The following FBLN2 variants were observed in gnomAD, a reference collection of about 807,000 sequenced individuals.
FBLN2 encodes fibulin-2.
In FBLN2, 81 loss-of-function variants were observed where a neutral mutation model predicts 123.7. That is an observed-to-expected ratio of 0.65 (90% CI 0.55 to 0.79). The LOEUF is 0.79. Ranked by LOEUF, FBLN2 falls within the 30% of genes least tolerant of loss-of-function variation. FBLN2 has a pLI of 0.00. For missense variants in FBLN2, 1,603 were observed against 1,681.3 expected, an observed-to-expected ratio of 0.95 and a Z score of 0.81; for synonymous variants, 699 against 701.4, an observed-to-expected ratio of 1.00 and a Z score of 0.05.
At position 13,570,821 on chromosome 3, in the gene FBLN2, CCCTGCCGGG is replaced by C; in HGVS notation, c.473_481del (p.Arg158_Cys160del). 1 of 1,600,470 alleles carries C rather than the reference CCCTGCCGGG, an allele frequency of 6.2e-7. No individual in the cohort carries two copies. ...CGCTGGCCACACTGTTCACCTGCCG[CCCTGCCGGG>C]CCTGCCACTGCCCTGACGCCGGTGG... On this transcript the variant is annotated inframe_deletion, in exon 2 of 18. Coordinates refer to ENST00000404922, the MANE Select transcript of FBLN2 (RefSeq NM_001004019.2).
chr3:13,564,803 G>C lies in FBLN2; in HGVS notation c.-41-5512G>C, dbSNP rs965957475. Among the ~76,000 whole-genome samples the C allele has an allele frequency of 3.3e-5, 5 of 152,248 alleles. No homozygotes were observed. In the South Asian group the frequency reaches 1.0e-3, roughly 31 times the overall value. On this transcript the variant is annotated intron_variant, in intron 1 of 17. Transcript: ENST00000404922. ...TCGCCAGCCCAGAGAGGTTTCATCT[G>C]GGGCCTGCTGTGGATGAATGTGAAG... is the stretch of plus-strand genomic sequence containing the variant.
In FBLN2 at chr3:13,571,471, C is replaced by T. The variant is rs530250122; in HGVS notation, c.1116C>T (p.Ala372=). The T allele has an allele frequency of 1.2e-5, 20 of 1,613,236 alleles. No homozygotes were observed. The highest frequency in any genetic ancestry group is 2.2e-5 in the East Asian group (1 of 44,848). Residue 372 remains alanine, a synonymous_variant, in exon 2 of 18, where the codon GCC becomes GCT. Coordinates refer to ENST00000404922, the MANE Select transcript of FBLN2 (RefSeq NM_001004019.2). ...AGGCTGCTCTCGTCCCAACTCAGGC[C>T]GTGCCTGGCTCTCCCAGGGACCCAG... ...LGKAALVPTQ[A]VPGSPRDPVK... is the part of the protein sequence containing the mutation.
At chr3:13,619,444 A>T (rs1705766687) in intron 7 of FBLN2, among the ~76,000 whole-genome samples, 1 of 150,894 alleles carries the variant, frequency 6.6e-6, no homozygotes, top group South Asian at 2.1e-4. Flanking sequence ...CTTCTCCTCC[A>T]TCTCCCCATT....
chr3:13,609,631 T>C lies in FBLN2; in HGVS notation c.1537T>C (p.Ser513Pro), dbSNP rs1189093163. 7.7e-7 allele frequency: 1 copy of C among 1,304,538 alleles called. No homozygotes were observed. The highest frequency in any genetic ancestry group is 1.0e-6 in the Non-Finnish European group (1 of 1,003,964). 80.8% of individuals were successfully genotyped at this position (1,304,538 alleles called of 1,614,324 possible). A position where few individuals can be genotyped will look rare whatever the true frequency, so the allele number is the denominator to read the frequency against. Residue 513 changes from serine to proline, a missense_variant, in exon 4 of 18, where the codon TCC becomes CCC. Coordinates refer to ENST00000404922, the MANE Select transcript of FBLN2 (RefSeq NM_001004019.2). The part of the protein sequence containing the change: ...GAEDNDSCGI[S>P]LYKQCCDCCG... The stretch of plus-strand genomic sequence containing the variant: ...TGAGGACAACGACAGCTGCGGCATC[T>C]CCCTGTACAAGGCAAGCCTGACCTG...
chr3:13,558,798 C>T (rs963567335), intron 1 of FBLN2, among the ~76,000 whole-genome samples: 3 of 141,354 alleles, frequency 2.1e-5, no homozygotes, highest in African/African-American at 5.2e-5. Flanking sequence ...CCCACCCACC[C>T]ACCCACCCAC....
chr3:13,617,176 A>G (rs1025141557), intron 5 of FBLN2, among the ~76,000 whole-genome samples: 2 of 151,604 alleles, frequency 1.3e-5, no homozygotes, highest in Admixed American at 6.6e-5. Flanking sequence ...CCATCCATCC[A>G]TCTATCCATC....
At chr3:13,612,295 C>CTTTCTTTCTTTCTTTCTT (rs1559418712) in intron 4 of FBLN2, among the ~76,000 whole-genome samples, 3 of 9,552 alleles carry the variant, frequency 3.1e-4, no homozygotes, top group Non-Finnish European at 6.6e-4. Context: ...TTTTATTTTC[C>CTTTCTTTCTTTCTTTCTT]TTTCTTTCTT....
At chr3:13,586,310 G>C (rs991636400) in intron 2 of FBLN2, among the ~76,000 whole-genome samples, 1 of 151,542 alleles carries the variant, frequency 6.6e-6, no homozygotes, top group Non-Finnish European at 1.5e-5. Context: ...TCAGCCTCCT[G>C]AGTAGCTGGG....
intron 1 of FBLN2, among the ~76,000 whole-genome samples, chr3:13,566,741 G>A (rs2125039190): frequency 6.6e-6 from 1 of 152,358 alleles, no homozygotes; most frequent in South Asian, 2.1e-4. Context: ...TCTCAGGGTG[G>A]CCAGAGCTCT....
rs987686354 is a variant in FBLN2, at chr3:13,609,368, G to A, written c.1419-145G>A. 1.4e-5 allele frequency: 12 copies of A among 854,898 alleles called. No homozygotes were observed. The East Asian group carries it at 3.5e-4, about 25-fold the overall frequency. The allele number at this position is 854,898 out of a possible 1,614,324, so 53.0% of individuals were successfully genotyped here. On this transcript the variant is annotated intron_variant, in intron 3 of 17. Transcript: ENST00000404922. ...CAAGAAATGAAACCCATGCAACCCA[G>A]TGGAGGTTGTGCCGGCTCTGCCACC... is the stretch of plus-strand genomic sequence containing the variant.
At chr3:13,581,665 G>A (rs1387500143) in intron 2 of FBLN2, among the ~76,000 whole-genome samples, 1 of 152,158 alleles carries the variant, frequency 6.6e-6, no homozygotes, top group Non-Finnish European at 1.5e-5. Flanking sequence ...TGCCATGGTG[G>A]GGATTAAGGA....
chr3:13,590,518 G>T (rs1030334946), intron 2 of FBLN2, among the ~76,000 whole-genome samples: 2 of 151,948 alleles, frequency 1.3e-5, no homozygotes, highest in Non-Finnish European at 2.9e-5. Context: ...TAGAGACGGG[G>T]TTTTACCATG....
intron 9 of FBLN2, among the ~76,000 whole-genome samples, chr3:13,622,962 T>C (rs1395371320): frequency 6.6e-6 from 1 of 152,220 alleles, no homozygotes; most frequent in African/African-American, 2.4e-5. Flanking sequence ...GGTATAGAAG[T>C]AGGATCAGAA....
chr3:13,610,151 T>G (rs1035641834), intron 4 of FBLN2, among the ~76,000 whole-genome samples: 10 of 152,180 alleles, frequency 6.6e-5, no homozygotes, highest in African/African-American at 1.9e-4. Flanking sequence ...TGTGAAATGC[T>G]TTCAGGCAGA....
chr3:13,556,994 C>T (rs146495090), intron 1 of FBLN2, among the ~76,000 whole-genome samples: 44 of 152,366 alleles, frequency 2.9e-4, no homozygotes, highest in African/African-American at 9.9e-4. Flanking sequence ...TTGATTCTCT[C>T]GAAATGAGGC....
rs374266208 is a variant in FBLN2, at chr3:13,570,555, G to A, written c.200G>A (p.Gly67Asp). ...GTGCAGCAGGGCTGCGCCTGCGAGG[G>A]CTACCAGTACTATGACTGCCTACAG... ...TCVQQGCACE[G>D]YQYYDCLQGG... Residue 67 changes from glycine (G) to aspartate (D), a missense_variant, in exon 2 of 18, where the codon GGC becomes GAC. By Grantham distance (94) the Gly-to-Asp change is moderately conservative. Coordinates refer to ENST00000404922, the MANE Select transcript of FBLN2 (RefSeq NM_001004019.2). 60 of 1,590,088 alleles carry A rather than the reference G, an allele frequency of 3.8e-5. No individual in the cohort carries two copies. The South Asian group carries it at 3.9e-4, about 10-fold the overall frequency.
At chr3:13,586,638 C>T (rs1276072487) in intron 2 of FBLN2, among the ~76,000 whole-genome samples, 1 of 150,500 alleles carries the variant, frequency 6.6e-6, no homozygotes, top group Non-Finnish European at 1.5e-5. Flanking sequence ...GCTGGGACTA[C>T]AGGCGCATGG....
intron 16 of FBLN2, among the ~76,000 whole-genome samples, chr3:13,632,405 C>G (rs552276544): frequency 6.6e-5 from 10 of 152,234 alleles, no homozygotes; most frequent in Admixed American, 5.2e-4. Context: ...CCTGGCCCAG[C>G]CTTGGGCATT....
chr3:13,562,264 C>T (rs1703629867), intron 1 of FBLN2, among the ~76,000 whole-genome samples: 1 of 152,100 alleles, frequency 6.6e-6, no homozygotes, highest in African/African-American at 2.4e-5. Flanking sequence ...CCTTTCTTCT[C>T]CCTGTTCTTT....
Sources: allele counts gnomAD v4.1 joint callset (sites outside exome capture counted in the v4.1 genomes callset), GRCh38; gene constraint gnomAD v4.1.1; transcripts MANE v1.5; gene names NCBI Gene and HGNC (gene_info 2026-07-23, HGNC 2026-07-21).